The following KCNH8 variants were observed in gnomAD, a reference collection of about 807,000 sequenced individuals.
KCNH8 encodes voltage-gated delayed rectifier potassium channel KCNH8.
Under a neutral mutation model 103.6 loss-of-function variants are expected in KCNH8, and 70 were observed. That is an observed-to-expected ratio of 0.68 (90% CI 0.56 to 0.82). KCNH8 has a LOEUF of 0.82. Among genes scored for constraint, KCNH8 ranks in the 40% least tolerant of loss-of-function variants. The pLI, the probability that KCNH8 is intolerant of heterozygous loss-of-function variation, is 0.00. For missense variants in KCNH8, 1,217 were observed against 1,329.9 expected, an observed-to-expected ratio of 0.92 and a Z score of 1.32; for synonymous variants, 498 against 489.4, an observed-to-expected ratio of 1.02 and a Z score of -0.23.
chr3:19,458,089 A>G (rs1055879860), intron 11 of KCNH8, among the ~76,000 whole-genome samples: 5 of 152,008 alleles, frequency 3.3e-5, no homozygotes, highest in Admixed American at 2.0e-4. Context: ...ATCTATTTTT[A>G]TGGAAGAGAA....
intron 2 of KCNH8, among the ~76,000 whole-genome samples, chr3:19,273,516 T>C (rs74427203): frequency 0.13 from 19,327 of 152,180 alleles, 3,875 homozygotes; most frequent in African/African-American, 0.42. Flanking sequence ...TTTGCTATTT[T>C]CAGTCTTAGC....
rs146465844 is a variant in KCNH8 at position 19,275,272 on chromosome 3, C to T, written c.311-5926C>T. ...GCGTATTCTACCCATCTGTTTTTAA[C>T]GCAAAAAGAAGTTTAAAACACAGTG... is the stretch of plus-strand genomic sequence containing the variant. On this transcript the variant is annotated intron_variant, in intron 2 of 15. Coordinates refer to ENST00000328405, the MANE Select transcript of KCNH8 (RefSeq NM_144633.3). Among the ~76,000 whole-genome samples, 120 of 151,856 alleles carry T rather than the reference C, an allele frequency of 7.9e-4. 1 individual carries two copies. The highest frequency in any genetic ancestry group is 2.0e-3 in the African/African-American group (84 of 41,422).
intron 3 of KCNH8, among the ~76,000 whole-genome samples, chr3:19,305,176 G>A (rs956549212): frequency 1.3e-5 from 2 of 151,994 alleles, no homozygotes; most frequent in Non-Finnish European, 2.9e-5. Flanking sequence ...AGTACTGGGA[G>A]CTAGAAGACA....
intron 2 of KCNH8, among the ~76,000 whole-genome samples, chr3:19,269,387 G>A (rs2064557217): frequency 1.3e-5 from 2 of 151,952 alleles, no homozygotes; most frequent in South Asian, 4.1e-4. Context: ...TATACTAGGA[G>A]TGAAACAGTA....
chr3:19,229,776 A>G (rs2063971959), intron 1 of KCNH8, among the ~76,000 whole-genome samples: 2 of 151,990 alleles, frequency 1.3e-5, no homozygotes, highest in South Asian at 4.1e-4. Context: ...GAAGTTCCAA[A>G]TTTTCCCACA....
intron 1 of KCNH8, among the ~76,000 whole-genome samples, chr3:19,241,426 T>C (rs994089276): frequency 1.3e-5 from 2 of 152,106 alleles, no homozygotes; most frequent in African/African-American, 4.8e-5. Flanking sequence ...TGAAACCCAA[T>C]TCTAAGATAC....
intron 5 of KCNH8, among the ~76,000 whole-genome samples, chr3:19,380,049 A>G (rs748280983): frequency 9.9e-5 from 15 of 152,226 alleles, no homozygotes; most frequent in Non-Finnish European, 1.6e-4. Flanking sequence ...TCAACAACCT[A>G]TACCCTGTGA....
intron 11 of KCNH8, among the ~76,000 whole-genome samples, chr3:19,477,000 A>G (rs544020893): frequency 6.6e-6 from 1 of 152,288 alleles, no homozygotes; most frequent in East Asian, 1.9e-4. Flanking sequence ...AGTAAAGCAT[A>G]TGAAGGGACT....
chr3:19,530,446 AAG>A (rs2069140806), intron 15 of KCNH8, among the ~76,000 whole-genome samples: 1 of 152,190 alleles, frequency 6.6e-6, no homozygotes, highest in Non-Finnish European at 1.5e-5. Flanking sequence ...TCAGTAAAAA[AAG>A]AATGTGTCTA....
At chr3:19,288,759 CT>C (rs2064873633) in intron 3 of KCNH8, among the ~76,000 whole-genome samples, 1 of 152,150 alleles carries the variant, frequency 6.6e-6, no homozygotes, top group African/African-American at 2.4e-5. Flanking sequence ...AATGGGATGG[CT>C]GGGTCGAATG....
intron 15 of KCNH8, among the ~76,000 whole-genome samples, chr3:19,520,970 TTTAAAAGA>T (rs1485790475): frequency 6.6e-6 from 1 of 151,710 alleles, no homozygotes; most frequent in African/African-American, 2.4e-5. Flanking sequence ...GTTAGGAGAG[TTTAAAAGA>T]TGTGGGGCAG....
chr3:19,328,235 A>G (rs779931727), intron 3 of KCNH8, among the ~76,000 whole-genome samples: 1 of 152,210 alleles, frequency 6.6e-6, no homozygotes, highest in Non-Finnish European at 1.5e-5. Context: ...TATTGCTACT[A>G]CTAAGCCTTG....
intron 2 of KCNH8, among the ~76,000 whole-genome samples, chr3:19,268,836 C>T (rs1402650450): frequency 6.6e-6 from 1 of 152,042 alleles, no homozygotes; most frequent in Admixed American, 6.6e-5. Flanking sequence ...TGGCTTGGTC[C>T]AGGATGTAGC....
intron 3 of KCNH8, among the ~76,000 whole-genome samples, chr3:19,324,420 AACTC>A (rs2065392876): frequency 6.6e-6 from 1 of 152,104 alleles, no homozygotes. Context: ...ATCTCATGAG[AACTC>A]ACTCACTATC....
At position 19,226,630 on chromosome 3, in the gene KCNH8, C is replaced by G. The variant is rs528496897; in HGVS notation, c.77-27024C>G. On this transcript the variant is annotated intron_variant, in intron 1 of 15. Transcript: ENST00000328405. ...ACACACACACACATGCATGCACACA[C>G]ACACACACACACACGGGAAAATTCA... Among the ~76,000 whole-genome samples, 8 of 151,818 alleles carry G rather than the reference C, an allele frequency of 5.3e-5. No homozygotes were observed. The East Asian group carries it at 9.7e-4, about 18-fold the overall frequency.
intron 5 of KCNH8, among the ~76,000 whole-genome samples, chr3:19,383,163 C>CT (rs555116428): frequency 6.6e-6 from 1 of 152,132 alleles, no homozygotes; most frequent in South Asian, 2.1e-4. Flanking sequence ...GTAAACAGCA[C>CT]TAAAAAGCTA....
At chr3:19,324,257 T>C (rs752162169) in intron 3 of KCNH8, among the ~76,000 whole-genome samples, 18 of 152,236 alleles carry the variant, frequency 1.2e-4, no homozygotes, top group Non-Finnish European at 1.8e-4. Context: ...GGAAAGAGAC[T>C]TAATTGACTC....
chr3:19,534,200 T>C lies in KCNH8; in HGVS notation c.*101T>C. 1 of 812,186 alleles carries C rather than the reference T, an allele frequency of 1.2e-6. No homozygotes were observed. Among genetic ancestry groups the C allele is most frequent in the Non-Finnish European group, 1.9e-6 (1 of 514,442 alleles). The allele number at this position is 812,186 out of a possible 1,614,324, so 50.3% of individuals were successfully genotyped here. A position where few individuals can be genotyped will look rare whatever the true frequency, so the allele number is the denominator to read the frequency against. ...GGTGGGCATGAAGACTGAGCAAAGCTGGGAATCCTGCAGAAAAGAGTGTGA... is the reference window on the plus strand; with the variant it reads ...GGTGGGCATGAAGACTGAGCAAAGCCGGGAATCCTGCAGAAAAGAGTGTGA... On this transcript the variant is annotated 3_prime_UTR_variant, in exon 16 of 16. Coordinates refer to ENST00000328405, the MANE Select transcript of KCNH8 (RefSeq NM_144633.3).
intron 5 of KCNH8, among the ~76,000 whole-genome samples, chr3:19,350,375 G>A (rs779414579): frequency 2.6e-5 from 4 of 152,038 alleles, no homozygotes; most frequent in African/African-American, 4.8e-5. Flanking sequence ...TTTGAAGAGA[G>A]GAGCGGTTCT....
Sources: allele counts gnomAD v4.1 joint callset (sites outside exome capture counted in the v4.1 genomes callset), GRCh38; gene constraint gnomAD v4.1.1; transcripts MANE v1.5; gene names NCBI Gene and HGNC (gene_info 2026-07-23, HGNC 2026-07-21).